Variants in ZNF341 observed in about 807,000 individuals in gnomAD.
ZNF341 encodes the protein zinc finger protein 341.
In ZNF341, 52 loss-of-function variants were observed where a neutral mutation model predicts 87.7. That is an observed-to-expected ratio of 0.59 (90% confidence interval 0.47 to 0.75). The LOEUF is 0.75. Among genes scored for constraint, ZNF341 ranks in the 30% least tolerant of loss-of-function variants. The pLI, the probability that ZNF341 is intolerant of heterozygous loss-of-function variation, is 0.00. For missense variants in ZNF341, 977 were observed against 1,145.9 expected (o/e 0.85, Z 2.13); for synonymous variants, 459 against 472.7 (o/e 0.97, Z 0.38).
chr20:33,747,267 C>T (rs1236867527), intron 3 of ZNF341, among the ~76,000 whole-genome samples: 2 of 152,098 alleles, frequency 1.3e-5, no homozygotes, highest in Non-Finnish European at 2.9e-5. Context: ...ACTATGAAAG[C>T]ATTCACCCCA....
rs1601296692 is a variant in ZNF341 at position 33,789,606 on chromosome 20, C to T, written c.2035+18C>T. Reference sequence around the variant, plus strand: ...CCACTCTGGTAAGTGGCTCTTGGGCCTGCTAAGAGGGTCTGGTTCAGCTCT... The same window carrying T: ...CCACTCTGGTAAGTGGCTCTTGGGCTTGCTAAGAGGGTCTGGTTCAGCTCT... On this transcript the variant is annotated intron_variant, in intron 14 of 14. Transcript: ENST00000375200. The T allele has an allele frequency of 6.2e-7, 1 of 1,613,650 alleles. No individual in the cohort carries two copies. Among genetic ancestry groups the T allele is most frequent in the Non-Finnish European group, 8.5e-7 (1 of 1,179,662 alleles).
chr20:33,736,369 C>T (rs774902062), intron 1 of ZNF341, among the ~76,000 whole-genome samples: 1 of 152,058 alleles, frequency 6.6e-6, no homozygotes, highest in Non-Finnish European at 1.5e-5. Context: ...CTTAGTCATC[C>T]CCGGGCTTGG....
chr20:33,790,870 C>A, intron 14 of ZNF341, 118 bp from the exon 15 acceptor site: 2 of 1,230,752 alleles, frequency 1.6e-6, no homozygotes, highest in Non-Finnish European at 2.2e-6. Context: ...GTGGAGAGAG[C>A]TGGGGCCAGA....
At position 33,791,128 on chromosome 20, in the gene ZNF341, C is replaced by A; in HGVS notation, c.2176C>A (p.Leu726Ile). 1 of 1,613,354 alleles carries A rather than the reference C, an allele frequency of 6.2e-7. No homozygotes were observed. The highest frequency in any genetic ancestry group is 8.5e-7 in the Non-Finnish European group (1 of 1,180,026). ...CAAGGGCTTTTCCCGCCACAAATAC[C>A]TCAAAGATCACCGCTGTCGTCTCGG... ...CAKGFSRHKY[L>I]KDHRCRLGPQ... The change falls in exon 15 of 15, where the codon CTC becomes ATC. Residue 726 changes from leucine to isoleucine, a missense_variant. Physicochemically the swap from Leu to Ile is conservative, Grantham distance 5 (BLOSUM62 2). Transcript: ENST00000375200.
intron 8 of ZNF341, among the ~76,000 whole-genome samples, chr20:33,765,428 G>T (rs1471928150): frequency 6.6e-6 from 1 of 151,290 alleles, no homozygotes; most frequent in Admixed American, 6.6e-5. Context: ...ACCCAGGCTG[G>T]AGTGCAATGG....
intron 9 of ZNF341, among the ~76,000 whole-genome samples, chr20:33,767,413 T>C (rs1373421981): frequency 6.6e-6 from 1 of 150,502 alleles, no homozygotes; most frequent in African/African-American, 2.4e-5. Context: ...GGTTTTACTC[T>C]TCCGCCCAGG....
intron 9 of ZNF341, among the ~76,000 whole-genome samples, chr20:33,767,999 TTCTCCTGGGAAGCTTTTGCCTTTGTG>T (rs1212503673): frequency 6.6e-6 from 1 of 152,166 alleles, no homozygotes; most frequent in African/African-American, 2.4e-5. Context: ...CAGAGGGAAT[TTCTCCTGGGAAGCTTTTGCCTTTGTG>T]TTCTGGAAGT....
intron 4 of ZNF341, among the ~76,000 whole-genome samples, 197 bp from the exon 5 acceptor site, chr20:33,752,975 G>T (rs574756952): frequency 2.8e-4 from 42 of 152,236 alleles, no homozygotes; most frequent in African/African-American, 9.4e-4. Context: ...TAGGGAAAAG[G>T]GATAGCAGCA....
At chr20:33,772,029 A>AAAAAAAAAAAAAC (rs1193710435) in intron 10 of ZNF341, among the ~76,000 whole-genome samples, 1 of 150,330 alleles carries the variant, frequency 6.7e-6, no homozygotes, top group African/African-American at 2.4e-5. Context: ...AAAAAAAAAA[A>AAAAAAAAAAAAAC]AAAAAAGATC....
At chr20:33,752,509 T>C in intron 4 of ZNF341, 4 of 482,868 alleles carry the variant, frequency 8.3e-6, no homozygotes, top group Non-Finnish European at 8.0e-6. Flanking sequence ...CGAATGACCC[T>C]TTTTCTTCTC....
chr20:33,790,838 TG>T, intron 14 of ZNF341, 149 bp from the exon 15 acceptor site: 1 of 944,662 alleles, frequency 1.1e-6, no homozygotes, highest in Non-Finnish European at 1.5e-6. Context: ...AGAGAGTGGC[TG>T]GAAGAAGGCA....
chr20:33,741,055 C>T, intron 2 of ZNF341, 43 bp downstream of exon 2: 4 of 1,561,854 alleles, frequency 2.6e-6, no homozygotes, highest in Non-Finnish European at 3.5e-6. Flanking sequence ...GTGAATGGCT[C>T]CCCGCGAAGA....
chr20:33,783,203 G>A (rs1336185546), intron 11 of ZNF341, among the ~76,000 whole-genome samples: 1 of 148,572 alleles, frequency 6.7e-6, no homozygotes, highest in African/African-American at 2.5e-5. Context: ...CCTTTCCATA[G>A]ATTTCTTTAG....
intron 10 of ZNF341, among the ~76,000 whole-genome samples, chr20:33,772,856 G>C (rs2019558617): frequency 6.6e-6 from 1 of 152,192 alleles, no homozygotes; most frequent in African/African-American, 2.4e-5. Context: ...TAGAACTCAA[G>C]AAATGGGGTG....
chr20:33,781,701 ATT>A (rs35710818), intron 11 of ZNF341, among the ~76,000 whole-genome samples: 6 of 143,168 alleles, frequency 4.2e-5, no homozygotes, highest in African/African-American at 2.6e-5. Flanking sequence ...CTTCTTTTTA[ATT>A]TTTTTTTTTT....
intron 8 of ZNF341, among the ~76,000 whole-genome samples, chr20:33,764,842 T>C (rs2019372922): frequency 6.6e-6 from 1 of 151,774 alleles, no homozygotes; most frequent in African/African-American, 2.4e-5. Context: ...TGTTTTGTTT[T>C]TTAGTTAGGG....
rs113315182 is a variant in ZNF341 at position 33,765,223 on chromosome 20, G to T, written c.1223-1628G>T. Among the ~76,000 whole-genome samples, 9 of 152,086 alleles carry T rather than the reference G, an allele frequency of 5.9e-5. No homozygotes were observed. In the South Asian group the frequency reaches 1.7e-3, roughly 28 times the overall value. On this transcript the variant is annotated intron_variant, in intron 8 of 14. Coordinates refer to ENST00000375200, the MANE Select transcript of ZNF341 (RefSeq NM_001282933.2). Reference sequence around the variant, plus strand: ...TAAGCCATTCCCATGTAGACCCAAGGGTGAGCAATGCCAGGCACATGCTAG... The same window carrying T: ...TAAGCCATTCCCATGTAGACCCAAGTGTGAGCAATGCCAGGCACATGCTAG...
intron 10 of ZNF341, among the ~76,000 whole-genome samples, chr20:33,780,905 G>T (rs2019727982): frequency 3.3e-5 from 5 of 151,946 alleles, no homozygotes; most frequent in Admixed American, 2.6e-4. Flanking sequence ...TAGGGGTCTT[G>T]CCATGTTGCC....
intron 3 of ZNF341, among the ~76,000 whole-genome samples, 192 bp downstream of exon 3, chr20:33,745,491 G>A (rs1303611815): frequency 6.6e-6 from 1 of 152,098 alleles, no homozygotes; most frequent in Admixed American, 6.6e-5. Flanking sequence ...GATGCCAGAC[G>A]GGGATGGGAG....
Sources: allele counts gnomAD v4.1 joint callset (sites outside exome capture counted in the v4.1 genomes callset), GRCh38; gene constraint gnomAD v4.1.1; transcripts MANE v1.5; gene names NCBI Gene and HGNC (gene_info 2026-07-23, HGNC 2026-07-21).